Variants in RBFOX1 observed in about 807,000 individuals in gnomAD.
The protein encoded by RBFOX1 is RNA binding fox-1 homolog 1.
Under a neutral mutation model 57.7 loss-of-function variants are expected in RBFOX1, and 8 were observed. The ratio of observed to expected loss-of-function variants is 0.14; its 90% CI spans 0.08 to 0.25. The LOEUF (loss-of-function observed/expected upper bound fraction) is 0.25. RBFOX1 is among the 10% of genes least tolerant of loss of function. The pLI is 1.00. For synonymous variants in RBFOX1, 326 were observed against 222.4 expected (o/e 1.47, Z -4.15); for missense variants, 611 against 548.5 (o/e 1.11, Z -1.14).
intron 4 of RBFOX1, among the ~76,000 whole-genome samples, chr16:7,300,599 C>G (rs1796990273): frequency 8.1e-6 from 1 of 123,302 alleles, no homozygotes; most frequent in Non-Finnish European, 1.7e-5. Flanking sequence ...TGAGGTATGG[C>G]AACTCTTATA....
chr16:7,480,914 G>A (rs938533708), intron 4 of RBFOX1, among the ~76,000 whole-genome samples: 11 of 152,180 alleles, frequency 7.2e-5, no homozygotes. Flanking sequence ...TGGGAGGGAG[G>A]GGCAGGGGTA....
At chr16:5,259,480 C>A (rs1381430367) in intron 1 of RBFOX1, among the ~76,000 whole-genome samples, 1 of 152,150 alleles carries the variant, frequency 6.6e-6, no homozygotes, top group African/African-American at 2.4e-5. Context: ...ATTGTCATCA[C>A]TTGCATTCAG....
intron 1 of RBFOX1, among the ~76,000 whole-genome samples, chr16:5,300,046 T>C (rs1039993998): frequency 6.6e-6 from 1 of 152,080 alleles, no homozygotes; most frequent in Non-Finnish European, 1.5e-5. Flanking sequence ...TTTGGGCATA[T>C]ATTGAGAAAA....
Position 7,500,402 on chromosome 16 carries a change from G to C in RBFOX1, c.28-17745G>C, listed in dbSNP as rs576690647. Among the ~76,000 whole-genome samples, 10 of 152,308 alleles carry C rather than the reference G, an allele frequency of 6.6e-5. No individual in the cohort carries two copies. The South Asian group carries it at 1.9e-3, about 28-fold the overall frequency. On this transcript the variant is annotated intron_variant, in intron 4 of 15. Coordinates refer to ENST00000550418, the MANE Select transcript of RBFOX1 (RefSeq NM_018723.4). ...TGAGGTTGTATTTTCCCTTTGTTCTGATGAGAGGTCTAGCCACTTTGTGTT... is the reference window on the plus strand; with the variant it reads ...TGAGGTTGTATTTTCCCTTTGTTCTCATGAGAGGTCTAGCCACTTTGTGTT...
At chr16:6,599,697 C>T (rs73538048) in intron 2 of RBFOX1, among the ~76,000 whole-genome samples, 1 of 152,150 alleles carries the variant, frequency 6.6e-6, no homozygotes, top group East Asian at 1.9e-4. Flanking sequence ...GCTGTGGAGC[C>T]GAACTTCTCC....
chr16:6,374,120 G>A (rs2090861661), intron 2 of RBFOX1, among the ~76,000 whole-genome samples: 1 of 152,204 alleles, frequency 6.6e-6, no homozygotes, highest in African/African-American at 2.4e-5. Context: ...TGCTGTATTA[G>A]TTTCTTCAAC....
intron 2 of RBFOX1, chr16:6,483,321 G>T: frequency 1.4e-6 from 2 of 1,460,868 alleles, no homozygotes; most frequent in Non-Finnish European, 1.8e-6. Flanking sequence ...CGCTCGGGGC[G>T]TTCTGCACCT....
intron 4 of RBFOX1, among the ~76,000 whole-genome samples, chr16:7,244,121 C>G (rs139310058): frequency 1.3e-5 from 2 of 151,806 alleles, no homozygotes; most frequent in Non-Finnish European, 2.9e-5. Flanking sequence ...ACAGCTCAAT[C>G]TTAAACAGCA....
chr16:6,961,347 C>G (rs940168445), intron 3 of RBFOX1, among the ~76,000 whole-genome samples: 1 of 152,180 alleles, frequency 6.6e-6, no homozygotes, highest in South Asian at 2.1e-4. Context: ...CCTGCGTCCA[C>G]TCCAGACCGT....
chr16:6,695,696 G>C (rs2060942715), intron 3 of RBFOX1, among the ~76,000 whole-genome samples: 1 of 152,158 alleles, frequency 6.6e-6, no homozygotes, highest in Non-Finnish European at 1.5e-5. Context: ...TATTTGTCAA[G>C]AAAGTGAATG....
rs141940868 is a variant in RBFOX1, at chr16:7,688,260, T to TGAGA, written c.995+11443_995+11446dup. Among the ~76,000 whole-genome samples, 197 of 125,384 alleles carry TGAGA rather than the reference T, an allele frequency of 1.6e-3. 1 individual carries two copies. Among genetic ancestry groups the TGAGA allele is most frequent in the African/African-American group, 5.3e-3 (180 of 33,768 alleles). The allele number at this position is 125,384 out of a possible 152,430, so 82.3% of individuals were successfully genotyped here. Reference sequence around the variant, plus strand: ...GTGTGTGTGTGTGTGTGTGTGTGTGTGAGAGAGAGAGAGAGAGAGAGAGAT... The same window carrying TGAGA: ...GTGTGTGTGTGTGTGTGTGTGTGTGTGAGAGAGAGAGAGAGAGAGAGAGAGAGAT... On this transcript the variant is annotated intron_variant, in intron 14 of 15. Coordinates refer to ENST00000550418, the MANE Select transcript of RBFOX1 (RefSeq NM_018723.4).
At chr16:5,783,699 T>A (rs2054400788) in intron 3 of RBFOX1, among the ~76,000 whole-genome samples, 1 of 152,236 alleles carries the variant, frequency 6.6e-6, no homozygotes, top group South Asian at 2.1e-4. Flanking sequence ...CTTTAATGAT[T>A]GTTTAATGGT....
intron 4 of RBFOX1, among the ~76,000 whole-genome samples, chr16:7,216,019 A>G (rs913728927): frequency 5.3e-5 from 8 of 151,964 alleles, no homozygotes; most frequent in Admixed American, 1.3e-4. Context: ...CACCGCGCCC[A>G]GCCTGGATGT....
At chr16:7,205,015 T>G (rs1273071326) in intron 4 of RBFOX1, among the ~76,000 whole-genome samples, 1 of 152,200 alleles carries the variant, frequency 6.6e-6, no homozygotes, top group Admixed American at 6.5e-5. Flanking sequence ...CTTTTCCATG[T>G]GTAACAAGGG....
At position 6,637,878 on chromosome 16, in the gene RBFOX1, T is replaced by C. The variant is rs562655751; in HGVS notation, c.-63-16725T>C. On this transcript the variant is annotated intron_variant, in intron 2 of 15. Transcript: ENST00000550418. ...AACTCATCATCCATATTTAGAAAAG[T>C]GGAGACAGTGAATTACATTTTACAG... Among the ~76,000 whole-genome samples the C allele has an allele frequency of 2.0e-5, 3 of 152,204 alleles. No individual in the cohort carries two copies. In the South Asian group the frequency reaches 6.2e-4, roughly 32 times the overall value.
At chr16:5,666,778 G>A (rs2049858844) in intron 3 of RBFOX1, among the ~76,000 whole-genome samples, 1 of 152,204 alleles carries the variant, frequency 6.6e-6, no homozygotes, top group African/African-American at 2.4e-5. Flanking sequence ...GCATGAAGTT[G>A]TTATGTGAAG....
intron 2 of RBFOX1, among the ~76,000 whole-genome samples, chr16:6,626,842 A>T (rs539758737): frequency 1.0e-3 from 159 of 152,318 alleles, no homozygotes; most frequent in Middle Eastern, 3.4e-3. Context: ...TGTTGTAAAC[A>T]TGCTTTTATG....
Position 6,029,746 on chromosome 16 carries a change from C to G in RBFOX1, c.-127+9754C>G, listed in dbSNP as rs185419916. Among the ~76,000 whole-genome samples, 78 of 121,432 alleles carry G rather than the reference C, an allele frequency of 6.4e-4. No homozygotes were observed. In the East Asian group the frequency reaches 0.019, roughly 29 times the overall value. The allele number at this position is 121,432 out of a possible 152,430, so 79.7% of individuals were successfully genotyped here. On this transcript the variant is annotated intron_variant, in intron 1 of 15. Transcript: ENST00000550418. ...CGAGATCGCGCCACTGTACTCCAGCCTGGGCGACAGATCGAGACTCCGTCT... is the reference window on the plus strand; with the variant it reads ...CGAGATCGCGCCACTGTACTCCAGCGTGGGCGACAGATCGAGACTCCGTCT...
intron 3 of RBFOX1, among the ~76,000 whole-genome samples, chr16:6,819,911 T>C (rs2090962897): frequency 6.6e-6 from 1 of 152,036 alleles, no homozygotes; most frequent in Admixed American, 6.5e-5. Flanking sequence ...GCTCTGCACA[T>C]CAGGGAGACT....
Sources: allele counts gnomAD v4.1 joint callset (sites outside exome capture counted in the v4.1 genomes callset), GRCh38; gene constraint gnomAD v4.1.1; transcripts MANE v1.5; gene names NCBI Gene and HGNC (gene_info 2026-07-23, HGNC 2026-07-21).